GABRB1: variants seen among roughly 807,000 people sequenced by gnomAD.
GABRB1 encodes the protein gamma-aminobutyric acid receptor subunit beta-1.
A neutral mutation model predicts 51.6 loss-of-function variants in GABRB1; 17 were observed. The ratio of observed to expected loss-of-function variants is 0.33; its 90% CI spans 0.23 to 0.49. The LOEUF (loss-of-function observed/expected upper bound fraction) is 0.49. GABRB1 is among the 20% of genes least tolerant of loss of function. The pLI, the probability that GABRB1 is intolerant of heterozygous loss-of-function variation, is 0.99. For missense variants in GABRB1, 410 were observed against 600.6 expected, an observed-to-expected ratio of 0.68 and a Z score of 3.32; for synonymous variants, 247 against 218.9, an observed-to-expected ratio of 1.13 and a Z score of -1.14.
intron 4 of GABRB1, among the ~76,000 whole-genome samples, chr4:47,287,883 G>C (rs1723570044): frequency 6.6e-6 from 1 of 152,148 alleles, no homozygotes; most frequent in African/African-American, 2.4e-5. Context: ...TCAACAGCAT[G>C]TGAGGAACTT....
At chr4:47,042,738 T>C (rs1463136180) in intron 3 of GABRB1, among the ~76,000 whole-genome samples, 1 of 151,808 alleles carries the variant, frequency 6.6e-6, no homozygotes, top group Non-Finnish European at 1.5e-5. Context: ...TTTTAAAAGG[T>C]AACCAAAGAC....
intron 3 of GABRB1, among the ~76,000 whole-genome samples, chr4:47,050,462 G>T (rs749853548): frequency 6.6e-6 from 1 of 151,678 alleles, no homozygotes; most frequent in South Asian, 2.1e-4. Context: ...TTTTTTTTAA[G>T]AGCTGCTTGT....
At chr4:47,369,448 C>T (rs1727110374) in intron 5 of GABRB1, among the ~76,000 whole-genome samples, 1 of 152,024 alleles carries the variant, frequency 6.6e-6, no homozygotes, top group South Asian at 2.1e-4. Flanking sequence ...CACACACACA[C>T]ACACACACAC....
At chr4:47,075,099 G>A (rs1459684535) in intron 3 of GABRB1, among the ~76,000 whole-genome samples, 1 of 152,148 alleles carries the variant, frequency 6.6e-6, no homozygotes, top group Non-Finnish European at 1.5e-5. Context: ...AGAGCTACTA[G>A]CACTCAGAAT....
intron 1 of GABRB1, among the ~76,000 whole-genome samples, chr4:47,013,200 CT>C (rs1367297736): frequency 6.6e-6 from 1 of 151,468 alleles, no homozygotes; most frequent in Non-Finnish European, 1.5e-5. Context: ...CCAATTACAC[CT>C]GATGGTTTTT....
chr4:47,254,098 T>C (rs1722088004), intron 4 of GABRB1, among the ~76,000 whole-genome samples: 1 of 152,206 alleles, frequency 6.6e-6, no homozygotes. Context: ...AGTGTTGTTT[T>C]GGAAATGTGA....
At chr4:47,302,990 A>C (rs1200296383) in intron 4 of GABRB1, among the ~76,000 whole-genome samples, 1 of 152,004 alleles carries the variant, frequency 6.6e-6, no homozygotes, top group African/African-American at 2.4e-5. Context: ...TAACTTTAAC[A>C]ATGTATGTGC....
chr4:47,016,998 A>G lies in GABRB1; in HGVS notation c.-19-14916A>G, dbSNP rs968406712. 3.3e-5 allele frequency among the ~76,000 whole-genome samples: 5 copies of G among 152,202 alleles called. No homozygotes were observed. The East Asian group carries it at 5.8e-4, about 18-fold the overall frequency. ...CCAACCTGTTATAATTAGAAATTTT[A>G]ACTTTTAATACATAACAAACTTTTA... On this transcript the variant is annotated intron_variant, in intron 1 of 3. Coordinates refer to the GABRB1 transcript ENST00000513567.
intron 3 of GABRB1, among the ~76,000 whole-genome samples, chr4:47,138,963 T>C (rs1261352937): frequency 2.6e-5 from 4 of 152,052 alleles, no homozygotes; most frequent in Admixed American, 2.6e-4. Context: ...ATAAGTGGCT[T>C]CCAAACATTT....
intron 3 of GABRB1, among the ~76,000 whole-genome samples, chr4:47,152,355 A>G (rs1260424164): frequency 6.6e-6 from 1 of 151,972 alleles, no homozygotes; most frequent in Non-Finnish European, 1.5e-5. Flanking sequence ...GGGCCCTGAA[A>G]GATAAACTTT....
chr4:47,004,452 T>G (rs1369154730), intron 1 of GABRB1, among the ~76,000 whole-genome samples: 4 of 152,188 alleles, frequency 2.6e-5, no homozygotes, highest in African/African-American at 9.7e-5. Flanking sequence ...TTTTTATGGG[T>G]ACATGGTAGG....
intron 3 of GABRB1, among the ~76,000 whole-genome samples, chr4:47,105,986 T>A (rs1250744778): frequency 6.6e-6 from 1 of 152,162 alleles, no homozygotes; most frequent in African/African-American, 2.4e-5. Flanking sequence ...AGTATTCACA[T>A]CTGCCTCTCA....
At chr4:47,067,538 A>G (rs956348503) in intron 3 of GABRB1, among the ~76,000 whole-genome samples, 2 of 152,278 alleles carry the variant, frequency 1.3e-5, no homozygotes, top group East Asian at 3.9e-4. Context: ...CAGCTTCTAC[A>G]TTAATGCTTG....
intron 4 of GABRB1, among the ~76,000 whole-genome samples, chr4:47,245,662 G>A (rs910426228): frequency 3.3e-5 from 5 of 151,984 alleles, no homozygotes; most frequent in Non-Finnish European, 7.4e-5. Context: ...GTAAACCATA[G>A]GGTCTGTAAA....
upstream of GABRB1, among the ~76,000 whole-genome samples, chr4:47,026,570 C>G (rs1254429383): frequency 1.3e-5 from 2 of 151,940 alleles, no homozygotes; most frequent in Admixed American, 1.3e-4. Flanking sequence ...GCTTAATAGT[C>G]CTCATTCTCT....
At chr4:47,230,644 T>C (rs1364431337) in intron 4 of GABRB1, among the ~76,000 whole-genome samples, 1 of 152,208 alleles carries the variant, frequency 6.6e-6, no homozygotes, top group Non-Finnish European at 1.5e-5. Flanking sequence ...TGCTAAGTAT[T>C]TTCTCTTATG....
At chr4:47,014,298 A>G (rs1204295420) in intron 1 of GABRB1, among the ~76,000 whole-genome samples, 1 of 152,172 alleles carries the variant, frequency 6.6e-6, no homozygotes, top group Admixed American at 6.6e-5. Context: ...TGCTTTCTAC[A>G]AACACTTGCA....
At chr4:47,266,469 C>T (rs542221511) in intron 4 of GABRB1, among the ~76,000 whole-genome samples, 209 of 152,004 alleles carry the variant, frequency 1.4e-3, no homozygotes, top group African/African-American at 4.4e-3. Flanking sequence ...GAAATGGCAT[C>T]GGTATTTTGA....
At chr4:47,400,215 A>G (rs1560369267) in intron 5 of GABRB1, among the ~76,000 whole-genome samples, 1 of 152,176 alleles carries the variant, frequency 6.6e-6, no homozygotes, top group East Asian at 1.9e-4. Flanking sequence ...AAAACCATTG[A>G]GTTTTAGAAT....
Sources: allele counts gnomAD v4.1 joint callset (sites outside exome capture counted in the v4.1 genomes callset), GRCh38; gene constraint gnomAD v4.1.1; transcripts MANE v1.5; gene names NCBI Gene and HGNC (gene_info 2026-07-23, HGNC 2026-07-21).